ICA1: variants seen among roughly 807,000 people sequenced by gnomAD.
ICA1 encodes 69 kDa islet cell autoantigen.
In ICA1, 40 loss-of-function variants were observed where a neutral mutation model predicts 71.0. The observed-to-expected ratio is 0.56, with a 90% CI of 0.44 to 0.73. The LOEUF is 0.73. Ranked by LOEUF, ICA1 falls within the 30% of genes least tolerant of loss-of-function variation. The pLI, the probability that ICA1 is intolerant of heterozygous loss-of-function variation, is 0.00. For missense variants in ICA1, 578 were observed against 576.5 expected (o/e 1.00, Z -0.03); for synonymous variants, 207 against 209.5 (o/e 0.99, Z 0.10).
At chr7:8,156,031 T>C (rs3807837) in intron 8 of ICA1, among the ~76,000 whole-genome samples, 95,383 of 152,122 alleles carry the variant, frequency 0.63, 30,139 homozygotes, top group Middle Eastern at 0.79. Flanking sequence ...TGCCAATCAA[T>C]GGGCGGGCGG....
chr7:8,215,877 A>G (rs1419086640), intron 6 of ICA1, among the ~76,000 whole-genome samples: 1 of 152,194 alleles, frequency 6.6e-6, no homozygotes, highest in East Asian at 1.9e-4. Flanking sequence ...GCTCTCCTAG[A>G]TGACTCAGAA....
rs139857711 is a variant in ICA1 at position 8,225,803 on chromosome 7, A to C, written c.256+2798T>G. On this transcript the variant is annotated intron_variant, in intron 4 of 13. Transcript: ENST00000402384. ...CCTTTTATCTGTAACTTCTTTCTAA[A>C]GTACAGAGTGAGAAACCTGGCTCTC... 9.2e-3 allele frequency among the ~76,000 whole-genome samples: 1,400 copies of C among 152,314 alleles called. 16 individuals are homozygous for C. The highest frequency in any genetic ancestry group is 0.03 in the African/African-American group (1,255 of 41,566).
At chr7:8,134,347 T>C (rs1792567558) in intron 12 of ICA1, among the ~76,000 whole-genome samples, 1 of 152,180 alleles carries the variant, frequency 6.6e-6, no homozygotes, top group African/African-American at 2.4e-5. Context: ...GGGAAATTGG[T>C]GACAGCTCAC....
intron 6 of ICA1, among the ~76,000 whole-genome samples, chr7:8,216,731 T>C (rs543169379): frequency 6.6e-6 from 1 of 152,302 alleles, no homozygotes; most frequent in Non-Finnish European, 1.5e-5. Context: ...CCTTTTTCAA[T>C]TTTAGGTATT....
rs1391742535 is a variant in ICA1, at chr7:8,142,078, A to C, written c.903-261T>G. On this transcript the variant is annotated intron_variant, in intron 9 of 13. Transcript: ENST00000402384. ...TATCTAGATGGGCAGTTAGATATAAATAAGATAGACGCATACAGTTATCAC... is the reference window on the plus strand; with the variant it reads ...TATCTAGATGGGCAGTTAGATATAACTAAGATAGACGCATACAGTTATCAC... The C allele has an allele frequency of 4.8e-6, 6 of 1,258,294 alleles. No individual in the cohort carries two copies. The Admixed American group carries it at 1.3e-4, about 28-fold the overall frequency. The allele number at this position is 1,258,294 out of a possible 1,614,324, so 77.9% of individuals were successfully genotyped here.
At position 8,158,649 on chromosome 7, in the gene ICA1, G is replaced by C. The variant is rs1802600526; in HGVS notation, c.583C>G (p.Gln195Glu). 2 of 1,613,724 alleles carry C rather than the reference G, an allele frequency of 1.2e-6. No individual in the cohort carries two copies. The highest frequency in any genetic ancestry group is 1.7e-6 in the Non-Finnish European group (2 of 1,179,874). Residue 195 changes from glutamine to glutamate, a missense_variant, in exon 7 of 14, where the codon CAA becomes GAA. Gln to Glu is a conservative substitution (Grantham distance 29). Coordinates refer to ENST00000402384, the MANE Select transcript of ICA1 (RefSeq NM_001136020.3). ...TTTTTTGCAAGGCGCACTTGTGTTT[G>C]TACCTATGAAAATAAAGAGGAATTT... ...YKQMEKFRKV[Q>E]TQVRLAKKNF... is the part of the protein sequence containing the mutation.
intron 1 of ICA1, among the ~76,000 whole-genome samples, chr7:8,255,794 T>TTC (rs57296170): frequency 6.6e-6 from 1 of 150,944 alleles, no homozygotes; most frequent in Non-Finnish European, 1.5e-5. Context: ...TTTTTTTTTT[T>TTC]GGCAGGGTCT....
intron 6 of ICA1, among the ~76,000 whole-genome samples, chr7:8,211,640 A>G (rs2128382936): frequency 6.6e-6 from 1 of 152,292 alleles, no homozygotes; most frequent in Admixed American, 6.5e-5. Flanking sequence ...ATTGATCACT[A>G]CTCAACTGGA....
chr7:8,236,701 C>T (rs1422239768), intron 1 of ICA1: 2 of 152,252 alleles, frequency 1.3e-5, no homozygotes, highest in African/African-American at 4.8e-5. Context: ...GTATATTTAT[C>T]TCGTTAGTAA....
intron 13 of ICA1, among the ~76,000 whole-genome samples, chr7:8,115,692 C>T (rs535665623): frequency 1.8e-4 from 27 of 152,214 alleles, no homozygotes; most frequent in Non-Finnish European, 3.7e-4. Context: ...ACACTTCCTT[C>T]AACTTCCTGT....
intron 6 of ICA1, among the ~76,000 whole-genome samples, chr7:8,212,435 C>G (rs149684886): frequency 6.6e-6 from 1 of 152,024 alleles, no homozygotes; most frequent in African/African-American, 2.4e-5. Flanking sequence ...TGTGGTGGCC[C>G]GTGCTTGTAA....
intron 6 of ICA1, among the ~76,000 whole-genome samples, chr7:8,214,612 G>A (rs1361195759): frequency 6.6e-6 from 1 of 152,134 alleles, no homozygotes; most frequent in Non-Finnish European, 1.5e-5. Context: ...TTGAAGGCTG[G>A]ACTCACGCTT....
chr7:8,165,888 A>C (rs928444180), intron 6 of ICA1, among the ~76,000 whole-genome samples: 2 of 152,204 alleles, frequency 1.3e-5, no homozygotes, highest in Non-Finnish European at 2.9e-5. Context: ...CAGATGGAAA[A>C]ATATTCCATG....
chr7:8,189,064 C>G (rs1784733067), intron 6 of ICA1, among the ~76,000 whole-genome samples: 1 of 152,182 alleles, frequency 6.6e-6, no homozygotes, highest in African/African-American at 2.4e-5. Flanking sequence ...TCATCTGATT[C>G]AGACCCTCCT....
At chr7:8,262,391 G>A (rs1468693457), upstream of ICA1, 1 of 152,254 alleles carries the variant, frequency 6.6e-6, no homozygotes, top group Non-Finnish European at 1.5e-5. Context: ...GCCCGCCGGA[G>A]CGACCCCTCC....
rs960837525 is a variant in ICA1, at chr7:8,157,514, C to T, written c.706-300G>A. ...CAAAACCCAGGGTAAATAATTAACG[C>T]TCTACTGTTGCAATCCCTCAGCTGA... On this transcript the variant is annotated intron_variant, in intron 7 of 13. Transcript: ENST00000402384. The T allele has an allele frequency of 8.5e-6, 3 of 351,472 alleles. No individual in the cohort carries two copies. The South Asian group carries it at 1.8e-4, about 21-fold the overall frequency. 21.8% of individuals were successfully genotyped at this position (351,472 alleles called of 1,614,324 possible). A position where few individuals can be genotyped will look rare whatever the true frequency, so the allele number is the denominator to read the frequency against.
intron 12 of ICA1, among the ~76,000 whole-genome samples, chr7:8,135,836 T>G (rs767455436): frequency 2.0e-5 from 3 of 152,198 alleles, no homozygotes; most frequent in Non-Finnish European, 4.4e-5. Context: ...AAGGCCAACT[T>G]ATGAGACTTA....
At chr7:8,139,643 G>A (rs1794553723) in intron 10 of ICA1, among the ~76,000 whole-genome samples, 2 of 152,156 alleles carry the variant, frequency 1.3e-5, no homozygotes, top group Admixed American at 6.5e-5. Context: ...ATAACACCAA[G>A]CGTGAATGCT....
At chr7:8,157,240 T>TA in intron 7 of ICA1, 26 bp from the exon 8 acceptor site, 1 of 1,571,102 alleles carries the variant, frequency 6.4e-7, no homozygotes. Flanking sequence ...GTAAAGCTAT[T>TA]AATGTTTTGA....
Sources: allele counts gnomAD v4.1 joint callset (sites outside exome capture counted in the v4.1 genomes callset), GRCh38; gene constraint gnomAD v4.1.1; transcripts MANE v1.5; gene names NCBI Gene and HGNC (gene_info 2026-07-23, HGNC 2026-07-21).